Variants in CEACAM21 observed in about 807,000 individuals in gnomAD.
The protein encoded by CEACAM21 is CEA cell adhesion molecule 21, also known as cell adhesion molecule CEACAM21.
CEACAM21 carries 38 observed loss-of-function variants against 33.2 expected under a neutral mutation model. The observed-to-expected ratio is 1.14, with a 90% confidence interval of 0.88 to 1.50. CEACAM21 has a LOEUF of 1.50. Among genes scored for constraint, CEACAM21 ranks in the 40% most tolerant of loss-of-function variants. The pLI, the probability that CEACAM21 is intolerant of heterozygous loss-of-function variation, is 0.00. For missense variants in CEACAM21, 385 were observed against 364.6 expected (o/e 1.06, Z -0.46); for synonymous variants, 156 against 143.0 (o/e 1.09, Z -0.65).
At chr19:41,569,671 G>T (rs549650400) in intron 2 of CEACAM21, among the ~76,000 whole-genome samples, 13 of 152,238 alleles carry the variant, frequency 8.5e-5, no homozygotes, top group African/African-American at 3.1e-4. Context: ...TGGCCAGGCT[G>T]ATGGAGCCTC....
intron 2 of CEACAM21, among the ~76,000 whole-genome samples, chr19:41,566,938 G>A (rs1481569747): frequency 2.6e-5 from 4 of 152,008 alleles, no homozygotes; most frequent in African/African-American, 9.7e-5. Flanking sequence ...AAATATATTG[G>A]TACAGCTATT....
chr19:41,585,616 A>T (rs782189222), intron 5 of CEACAM21, 121 bp downstream of exon 5: 3 of 1,205,874 alleles, frequency 2.5e-6, no homozygotes, highest in Non-Finnish European at 3.6e-6. Flanking sequence ...AGAGGATCCC[A>T]TAAAACATCA....
At chr19:41,564,044 A>T (rs782096005) in intron 1 of CEACAM21, among the ~76,000 whole-genome samples, 2 of 152,196 alleles carry the variant, frequency 1.3e-5, no homozygotes, top group African/African-American at 2.4e-5. Flanking sequence ...GCAACAACAC[A>T]TCATCACCAG....
At position 41,579,428 on chromosome 19, in the gene CEACAM21, A is replaced by G. The variant is rs782661305; in HGVS notation, c.500A>G (p.His167Arg). The change falls in exon 3 of 7, where the codon CAC (histidine) becomes CGC (arginine). Residue 167 changes from histidine to arginine, a missense_variant. Coordinates refer to ENST00000401445, the MANE Select transcript of CEACAM21 (RefSeq NM_001098506.4). ...AAGGGCTCCGTGGTCCTGACCTGCC[A>G]CACAAATAACACTGGAACCTCTTTC... ...TEKGSVVLTC[H>R]TNNTGTSFQW... 1.9e-6 allele frequency: 3 copies of G among 1,613,818 alleles called. No individual in the cohort carries two copies. The highest frequency in any genetic ancestry group is 2.7e-5 in the African/African-American group (2 of 74,882).
At chr19:41,579,976 C>T (rs1555792992) in intron 3 of CEACAM21, among the ~76,000 whole-genome samples, 1 of 152,168 alleles carries the variant, frequency 6.6e-6, no homozygotes, top group African/African-American at 2.4e-5. Flanking sequence ...TCAATCAGTG[C>T]TATCAATATC....
intron 2 of CEACAM21, among the ~76,000 whole-genome samples, chr19:41,568,381 C>T (rs2042398842): frequency 1.3e-5 from 2 of 151,988 alleles, no homozygotes; most frequent in Admixed American, 1.3e-4. Flanking sequence ...TGGATTTTCC[C>T]CCTATATTTT....
chr19:41,565,967 G>C lies in CEACAM21; in HGVS notation c.-404+911G>C, dbSNP rs553123426. On this transcript the variant is annotated intron_variant, in intron 2 of 7. Transcript: ENST00000407170. ...GACATCTTTATTGCTTTTTGGGGGG[G>C]CGGGGGGGGTGGGGTTCTGGAGGAT... Among the ~76,000 whole-genome samples the C allele has an allele frequency of 1.4e-3, 203 of 143,778 alleles. 2 individuals carry two copies. The highest frequency in any genetic ancestry group is 4.8e-3 in the African/African-American group (194 of 40,188). 94.3% of individuals were successfully genotyped at this position (143,778 alleles called of 152,430 possible).
chr19:41,568,802 G>T (rs782439720), intron 2 of CEACAM21, among the ~76,000 whole-genome samples: 7 of 152,144 alleles, frequency 4.6e-5, no homozygotes, highest in Non-Finnish European at 7.4e-5. Context: ...AATTTTTGTG[G>T]TTTCTAATTT....
At chr19:41,581,017 A>G (rs1555793335) in intron 3 of CEACAM21, among the ~76,000 whole-genome samples, 1 of 152,250 alleles carries the variant, frequency 6.6e-6, no homozygotes, top group Non-Finnish European at 1.5e-5. Flanking sequence ...CACATACCAG[A>G]AAATGGGTGT....
intron 1 of CEACAM21, among the ~76,000 whole-genome samples, chr19:41,557,298 C>T (rs1299078735): frequency 6.6e-6 from 1 of 152,132 alleles, no homozygotes; most frequent in East Asian, 1.9e-4. Context: ...CAGTCACAGA[C>T]CCGTTACTCT....
chr19:41,556,020 G>A (rs1236678550), intron 1 of CEACAM21, among the ~76,000 whole-genome samples: 1 of 152,224 alleles, frequency 6.6e-6, no homozygotes, highest in African/African-American at 2.4e-5. Context: ...GAGCAGAGCT[G>A]CAGACCTGGA....
intron 2 of CEACAM21, among the ~76,000 whole-genome samples, 186 bp downstream of exon 2, chr19:41,577,745 C>T (rs1162238865): frequency 5.9e-5 from 9 of 152,206 alleles, no homozygotes; most frequent in Non-Finnish European, 1.0e-4. Context: ...TTCCCTTATC[C>T]GGACTCCGTG....
At chr19:41,567,366 T>C (rs1357683819) in intron 2 of CEACAM21, among the ~76,000 whole-genome samples, 1 of 152,232 alleles carries the variant, frequency 6.6e-6, no homozygotes, top group African/African-American at 2.4e-5. Flanking sequence ...TATCTTGTGA[T>C]TGAGCAAATG....
chr19:41,571,883 CCTGGGCAGAAT>C (rs1377305843), upstream of CEACAM21, among the ~76,000 whole-genome samples: 2 of 152,020 alleles, frequency 1.3e-5, no homozygotes, highest in African/African-American at 4.8e-5. Flanking sequence ...CCTTTCAGAC[CCTGGGCAGAAT>C]CTGTTGCCCA....
chr19:41,559,614 G>A (rs944539156), intron 1 of CEACAM21, among the ~76,000 whole-genome samples: 5 of 152,252 alleles, frequency 3.3e-5, no homozygotes, highest in South Asian at 2.1e-4. Context: ...GTCAAAAGAT[G>A]TTCTTTAAAA....
Position 41,579,622 on chromosome 19 carries a change from G to A in CEACAM21, c.694G>A (p.Val232Ile). The A allele has an allele frequency of 6.5e-7, 1 of 1,550,170 alleles. No homozygotes were observed. Among genetic ancestry groups the A allele is most frequent in the Non-Finnish European group, 8.7e-7 (1 of 1,144,720 alleles). Residue 232 changes from valine (V) to isoleucine (I), a missense_variant, in exon 3 of 7, where the codon GTA becomes ATA. By Grantham distance (29) the Val-to-Ile change is conservative. Coordinates refer to ENST00000401445, the MANE Select transcript of CEACAM21 (RefSeq NM_001098506.4). ...CAGGAGCGACCCCCTCAAGCTGACT[G>A]TAAAATGTGAGTGACCCTCGGCCCC... Reference protein sequence around the residue: ...SNRSDPLKLTVKSDDNTLGIL... With the variant: ...SNRSDPLKLTIKSDDNTLGIL...
Position 41,561,144 on chromosome 19 carries a change from T to C in CEACAM21, c.-778-3538T>C, listed in dbSNP as rs60453134. On this transcript the variant is annotated intron_variant, in intron 1 of 7. Coordinates refer to the CEACAM21 transcript ENST00000407170. ...ATCCATATATGAGACACAATGACAT[T>C]TGTTGAATAACAGCAAATGCAATTT... 1.1e-3 allele frequency among the ~76,000 whole-genome samples: 164 copies of C among 152,308 alleles called. 1 individual carries two copies. The highest frequency in any genetic ancestry group is 3.7e-3 in the African/African-American group (153 of 41,554).
At chr19:41,578,753 C>T (rs758349) in intron 2 of CEACAM21, among the ~76,000 whole-genome samples, 32,963 of 152,074 alleles carry the variant, frequency 0.22, 3,909 homozygotes, top group African/African-American at 0.31. Flanking sequence ...GATCCACATT[C>T]CTTCCCTCAC....
At chr19:41,552,290 G>C (rs2041259907) in intron 1 of CEACAM21, 1 of 152,128 alleles carries the variant, frequency 6.6e-6, no homozygotes, top group Non-Finnish European at 1.5e-5. Context: ...AGGTTTGGGG[G>C]GGGTTCCTTT....
Sources: allele counts gnomAD v4.1 joint callset (sites outside exome capture counted in the v4.1 genomes callset), GRCh38; gene constraint gnomAD v4.1.1; transcripts MANE v1.5; gene names NCBI Gene and HGNC (gene_info 2026-07-23, HGNC 2026-07-21).